The following ZNF79 variants were observed in gnomAD, a reference collection of about 807,000 sequenced individuals.
ZNF79 encodes ZNFpT7.
Under a neutral mutation model 14.9 loss-of-function variants are expected in ZNF79, and 13 were observed. The ratio of observed to expected loss-of-function variants is 0.87; its 90% CI spans 0.57 to 1.38. The LOEUF is 1.38. Among genes scored for constraint, ZNF79 ranks in the 40% most tolerant of loss-of-function variants. The pLI is 0.00. For synonymous variants in ZNF79, 223 were observed against 235.1 expected (o/e 0.95, Z 0.47); for missense variants, 631 against 630.6 (o/e 1.00, Z -0.01).
At chr9:127,435,841 C>G (rs1459231599) in intron 3 of ZNF79, 67 bp from the exon 4 acceptor site, 39 of 1,325,224 alleles carry the variant, frequency 2.9e-5, no homozygotes, top group Non-Finnish European at 3.8e-5. Context: ...CTTGCTCTCT[C>G]CTGAGTTCTG....
intron 4 of ZNF79, among the ~76,000 whole-genome samples, chr9:127,437,667 T>C (rs1427450024): frequency 2.6e-5 from 4 of 151,646 alleles, no homozygotes; most frequent in Admixed American, 6.6e-5. Flanking sequence ...GGGAAGGATC[T>C]TCCTTGCCTC....
intron 4 of ZNF79, 129 bp from the exon 5 acceptor site, chr9:127,443,900 C>CAA (rs34006666): frequency 0.027 from 9,244 of 345,144 alleles, 2 homozygotes; most frequent in South Asian, 0.041. Context: ...GACTCCGTCT[C>CAA]AAAAAAAAAA....
Position 127,435,225 on chromosome 9 carries a change from A to T in ZNF79, c.232+9A>T, listed in dbSNP as rs759434307. The stretch of plus-strand genomic sequence containing the variant: ...GAGCCTTGTCCTACTAGGTAAGGAA[A>T]CTGTTTCTTTAAGATTTAGAATCAC... On this transcript the variant is annotated intron_variant, in intron 3 of 4. Coordinates refer to ENST00000342483, the MANE Select transcript of ZNF79 (RefSeq NM_007135.3). 3.8e-6 allele frequency: 6 copies of T among 1,579,882 alleles called. No individual in the cohort carries two copies. Among genetic ancestry groups the T allele is most frequent in the Non-Finnish European group, 5.1e-6 (6 of 1,169,040 alleles).
intron 4 of ZNF79, among the ~76,000 whole-genome samples, chr9:127,443,708 T>G (rs995774817): frequency 1.3e-5 from 2 of 152,010 alleles, no homozygotes; most frequent in Non-Finnish European, 2.9e-5. Context: ...GAGACTATCC[T>G]GGCTAACACG....
rs1195187954 is a variant in ZNF79 at position 127,445,030 on chromosome 9, C to A, written c.1330C>A (p.Pro444Thr). 1.2e-6 allele frequency: 2 copies of A among 1,614,178 alleles called. No homozygotes were observed. Among genetic ancestry groups the A allele is most frequent in the Non-Finnish European group, 1.7e-6 (2 of 1,180,042 alleles). Residue 444 changes from proline to threonine, a missense_variant, in exon 5 of 5, where the codon CCT (proline) becomes ACT (threonine). Coordinates refer to ENST00000342483, the MANE Select transcript of ZNF79 (RefSeq NM_007135.3). ...RHHIIHTGEK[P>T]YECNECGKAF... The stretch of plus-strand genomic sequence containing the variant: ...TCATATAATCCACACCGGAGAAAAA[C>A]CTTATGAGTGTAATGAGTGTGGTAA...
At position 127,425,617 on chromosome 9, in the gene ZNF79, GAGTCTCGCT is replaced by G. The variant is rs1278327289; in HGVS notation, c.16+815_16+823del. ...TTTGTTTTGTTTTGTTTTTGAGACA[GAGTCTCGCT>G]CTGTCGCCGAGGCTGGAGTGCAGTG... On this transcript the variant is annotated intron_variant, in intron 1 of 4. Transcript: ENST00000342483. Among the ~76,000 whole-genome samples the G allele has an allele frequency of 9.9e-5, 15 of 152,270 alleles. No homozygotes were observed. In the South Asian group the frequency reaches 2.7e-3, roughly 27 times the overall value.
Position 127,424,642 on chromosome 9 carries a change from C to A in ZNF79, c.-146C>A. 7.9e-7 allele frequency: 1 copy of A among 1,271,524 alleles called. No homozygotes were observed. The highest frequency in any genetic ancestry group is 1.1e-6 in the Non-Finnish European group (1 of 899,148). The allele number at this position is 1,271,524 out of a possible 1,614,324, so 78.8% of individuals were successfully genotyped here. On this transcript the variant is annotated 5_prime_UTR_variant, in exon 1 of 5. Coordinates refer to ENST00000342483, the MANE Select transcript of ZNF79 (RefSeq NM_007135.3). The stretch of plus-strand genomic sequence containing the variant: ...CGCGACCCAGCACCGCAGGATCAGA[C>A]CGTGCCTCTGCGGGGAGAGGCTGGA...
chr9:127,424,470 A>G lies in ZNF79; in HGVS notation c.-318A>G, dbSNP rs1833711565. The G allele has an allele frequency of 2.9e-6, 1 of 346,728 alleles. No individual in the cohort carries two copies. The highest frequency in any genetic ancestry group is 4.0e-5 in the Admixed American group (1 of 24,698). 21.5% of individuals were successfully genotyped at this position (346,728 alleles called of 1,614,324 possible). A position where few individuals can be genotyped will look rare whatever the true frequency, so the allele number is the denominator to read the frequency against. ...TTCTTGAGCTCTCGCGGTTGCCGGTAGATTGTTGCCAGTTGCCAGTTGCCA... is the reference window on the plus strand; with the variant it reads ...TTCTTGAGCTCTCGCGGTTGCCGGTGGATTGTTGCCAGTTGCCAGTTGCCA... On this transcript the variant is annotated 5_prime_UTR_variant, in exon 1 of 5. Transcript: ENST00000342483.
At chr9:127,428,657 C>G (rs1424359918) in intron 1 of ZNF79, 175 bp from the exon 2 acceptor site, 3 of 1,237,688 alleles carry the variant, frequency 2.4e-6, no homozygotes, top group South Asian at 6.5e-5. Context: ...CTCCCTACAT[C>G]TGAGTGAGTT....
At chr9:127,437,026 C>T (rs1833959718) in intron 4 of ZNF79, among the ~76,000 whole-genome samples, 1 of 145,870 alleles carries the variant, frequency 6.9e-6, no homozygotes, top group Admixed American at 6.9e-5. Flanking sequence ...TGCCATTGCA[C>T]TCCAGCCTGG....
In ZNF79 at chr9:127,444,990, A is replaced by C. The variant is rs1190940179; in HGVS notation, c.1290A>C (p.Ser430=). 6.2e-7 allele frequency: 1 copy of C among 1,614,248 alleles called. No individual in the cohort carries two copies. Among genetic ancestry groups the C allele is most frequent in the Admixed American group, 1.7e-5 (1 of 60,028 alleles). The part of the protein sequence containing the change: ...NECGKFFSES[S]ALIRHHIIHT... ...GTGGGAAATTCTTCAGTGAGAGCTC[A>C]GCCCTCATTCGGCATCATATAATCC... Residue 430 remains serine, a synonymous_variant, in exon 5 of 5, where the codon TCA becomes TCC. Coordinates refer to ENST00000342483, the MANE Select transcript of ZNF79 (RefSeq NM_007135.3).
rs375046752 is a variant in ZNF79, at chr9:127,444,877, G to A, written c.1177G>A (p.Glu393Lys). 1.5e-5 allele frequency: 25 copies of A among 1,614,034 alleles called. No homozygotes were observed. The highest frequency in any genetic ancestry group is 8.9e-5 in the East Asian group (4 of 44,898). ...HTGEKPYKCS[E>K]CGKAFSQSTN... is the part of the protein sequence containing the mutation. ...TGGGGAGAAACCCTACAAGTGCAGC[G>A]AGTGTGGGAAGGCCTTCAGCCAGAG... Residue 393 changes from glutamate to lysine, a missense_variant, in exon 5 of 5, where the codon GAG (glutamate) becomes AAG (lysine). Transcript: ENST00000342483.
Position 127,445,298 on chromosome 9 carries a change from ATCTAACTTAGAG to A in ZNF79, c.*105_*116del. On this transcript the variant is annotated 3_prime_UTR_variant, in exon 5 of 5. Transcript: ENST00000342483. ...TAAAGGCTTGAAAGCATCTGAAGAC[ATCTAACTTAGAG>A]TCTGCAGCCCAGAGCCACATGCAAA... The A allele has an allele frequency of 2.3e-6, 3 of 1,324,204 alleles. No individual in the cohort carries two copies. The highest frequency in any genetic ancestry group is 3.1e-6 in the Non-Finnish European group (3 of 965,368). The allele number at this position is 1,324,204 out of a possible 1,614,324, so 82.0% of individuals were successfully genotyped here.
chr9:127,425,015 G>T (rs1224350229), intron 1 of ZNF79: 2 of 1,370,026 alleles, frequency 1.5e-6, no homozygotes, highest in Non-Finnish European at 1.9e-6. Flanking sequence ...GAATTCGGGG[G>T]TCAAAAAAGT....
intron 4 of ZNF79, among the ~76,000 whole-genome samples, chr9:127,439,700 T>C (rs1418152657): frequency 6.6e-6 from 1 of 152,180 alleles, no homozygotes; most frequent in Non-Finnish European, 1.5e-5. Context: ...TTCTGATTCA[T>C]TGAATCATTC....
At chr9:127,443,683 C>T (rs1287648967) in intron 4 of ZNF79, among the ~76,000 whole-genome samples, 6 of 152,008 alleles carry the variant, frequency 3.9e-5, no homozygotes, top group South Asian at 4.2e-4. Context: ...GGGTGGATCA[C>T]GAGGTCAGGA....
chr9:127,442,865 CTGTGTGTGTG>C (rs112600999), intron 4 of ZNF79, among the ~76,000 whole-genome samples: 6 of 149,498 alleles, frequency 4.0e-5, no homozygotes, highest in South Asian at 4.3e-4. Flanking sequence ...GTCTCAAAAT[CTGTGTGTGTG>C]TGTGTGTGTG....
chr9:127,425,520 C>T (rs967129717), intron 1 of ZNF79, among the ~76,000 whole-genome samples: 5 of 152,328 alleles, frequency 3.3e-5, no homozygotes, highest in Middle Eastern at 3.4e-3. Context: ...TTTTACTCTA[C>T]AAGTGCAATT....
intron 2 of ZNF79, among the ~76,000 whole-genome samples, chr9:127,430,685 C>T (rs1833844594): frequency 6.6e-6 from 1 of 152,220 alleles, no homozygotes; most frequent in Non-Finnish European, 1.5e-5. Flanking sequence ...CATTGGCAGG[C>T]ACCTGGGTTG....
Sources: gnomAD v4.1 joint callset for allele counts (sites outside exome capture counted in the v4.1 genomes callset) on GRCh38, gnomAD v4.1.1 for gene constraint, MANE v1.5 for transcripts, NCBI Gene and HGNC (gene_info 2026-07-23, HGNC 2026-07-21) for gene names.